OSBPL1A: variants seen among roughly 807,000 people sequenced by gnomAD.
OSBPL1A encodes the protein oxysterol binding protein like 1A.
Under a neutral mutation model 137.1 loss-of-function variants are expected in OSBPL1A, and 80 were observed. That is an observed-to-expected ratio of 0.58 (90% CI 0.49 to 0.70). The LOEUF (loss-of-function observed/expected upper bound fraction) is 0.70, where lower values mean the gene tolerates loss of function less well. Ranked by LOEUF, OSBPL1A falls within the 30% of genes least tolerant of loss-of-function variation. The pLI is 0.00. For synonymous variants in OSBPL1A, 365 were observed against 389.7 expected, an observed-to-expected ratio of 0.94 and a Z score of 0.75; for missense variants, 970 against 1,129.4, an observed-to-expected ratio of 0.86 and a Z score of 2.02.
intron 14 of OSBPL1A, chr18:24,301,444 C>G (rs763573417): frequency 1.3e-5 from 2 of 152,156 alleles, no homozygotes; most frequent in Admixed American, 1.3e-4. Flanking sequence ...TATCACTGGA[C>G]TTTTTCTACA....
chr18:24,239,506 G>A (rs1374826846), intron 15 of OSBPL1A, 124 bp from the exon 16 acceptor site: 30 of 905,570 alleles, frequency 3.3e-5, no homozygotes, highest in East Asian at 2.1e-4. Context: ...GAAAACAGTC[G>A]TGTCACATGT....
At chr18:24,263,310 C>T (rs766566091) in intron 15 of OSBPL1A, among the ~76,000 whole-genome samples, 2 of 152,162 alleles carry the variant, frequency 1.3e-5, no homozygotes, top group Admixed American at 6.5e-5. Context: ...GTGCTAAGTA[C>T]GTGCTGTACT....
intron 14 of OSBPL1A, among the ~76,000 whole-genome samples, chr18:24,287,444 G>A (rs959853812): frequency 7.2e-5 from 11 of 152,168 alleles, no homozygotes; most frequent in African/African-American, 2.7e-4. Context: ...GCTTGAGAGA[G>A]CTTCAGGGTA....
rs993948045 is a variant in OSBPL1A at position 24,224,920 on chromosome 18, T to G, written c.1601+122A>C. On this transcript the variant is annotated intron_variant, in intron 17 of 27. Transcript: ENST00000319481. ...CTTAAGTTAAATGCTTTCTTTGAGG[T>G]GATATAGCAATATAAATCCCCTACA... 3 of 1,239,680 alleles carry G rather than the reference T, an allele frequency of 2.4e-6. No homozygotes were observed. In the African/African-American group the frequency reaches 4.5e-5, roughly 19 times the overall value. The allele number at this position is 1,239,680 out of a possible 1,614,324, so 76.8% of individuals were successfully genotyped here.
Position 24,291,799 on chromosome 18 carries a change from T to C in OSBPL1A, c.1175-10851A>G, listed in dbSNP as rs141986510. On this transcript the variant is annotated intron_variant, in intron 14 of 27. Coordinates refer to ENST00000319481, the MANE Select transcript of OSBPL1A (RefSeq NM_080597.4). Reference sequence around the variant, plus strand: ...AAAAAAAACGAGAGATTGCCTGTAATTCCAGCACTTTGGGAGACTGAGGCA... The same window carrying C: ...AAAAAAAACGAGAGATTGCCTGTAACTCCAGCACTTTGGGAGACTGAGGCA... 2.8e-3 allele frequency among the ~76,000 whole-genome samples: 417 copies of C among 149,514 alleles called. 2 individuals are homozygous for C. Among genetic ancestry groups the C allele is most frequent in the African/African-American group, 9.8e-3 (400 of 40,830 alleles).
At chr18:24,181,959 A>G (rs1030003333) in intron 18 of OSBPL1A, among the ~76,000 whole-genome samples, 6 of 152,200 alleles carry the variant, frequency 3.9e-5, no homozygotes, top group Non-Finnish European at 8.8e-5. Flanking sequence ...CTGTTCAAAT[A>G]TATGTGTTAA....
chr18:24,182,208 G>C (rs2086625034), intron 18 of OSBPL1A, among the ~76,000 whole-genome samples: 1 of 152,090 alleles, frequency 6.6e-6, no homozygotes, highest in South Asian at 2.1e-4. Flanking sequence ...CTGTCTGCCA[G>C]AATGCCTCCA....
intron 1 of OSBPL1A, among the ~76,000 whole-genome samples, chr18:24,383,337 A>C (rs1373484644): frequency 2.0e-5 from 3 of 152,270 alleles, no homozygotes; most frequent in Non-Finnish European, 4.4e-5. Flanking sequence ...AAAATGTTTG[A>C]AGTATCTTCA....
chr18:24,208,955 C>A (rs1599494114), intron 17 of OSBPL1A, among the ~76,000 whole-genome samples: 2 of 152,264 alleles, frequency 1.3e-5, no homozygotes, highest in Admixed American at 1.3e-4. Flanking sequence ...CAAGAACACA[C>A]CACTGGTGAT....
At chr18:24,336,011 C>T (rs898608853) in intron 5 of OSBPL1A, among the ~76,000 whole-genome samples, 6 of 152,158 alleles carry the variant, frequency 3.9e-5, no homozygotes, top group African/African-American at 1.4e-4. Context: ...TCTTTCCTCC[C>T]ACTGGTTCTA....
In OSBPL1A at chr18:24,172,549, G is replaced by C. The variant is rs922967364; in HGVS notation, c.2094-66C>G. 2.5e-5 allele frequency: 28 copies of C among 1,129,150 alleles called. No individual in the cohort carries two copies. The Admixed American group carries it at 4.5e-4, about 18-fold the overall frequency. 69.9% of individuals were successfully genotyped at this position (1,129,150 alleles called of 1,614,324 possible). A position where few individuals can be genotyped will look rare whatever the true frequency, so the allele number is the denominator to read the frequency against. Reference sequence around the variant, plus strand: ...ATCACTTTGTTTAAAAAGTACACTTGTTCCAAATGCCATTACTCAGAATAA... The same window carrying C: ...ATCACTTTGTTTAAAAAGTACACTTCTTCCAAATGCCATTACTCAGAATAA... On this transcript the variant is annotated intron_variant, in intron 21 of 27. Coordinates refer to ENST00000319481, the MANE Select transcript of OSBPL1A (RefSeq NM_080597.4).
chr18:24,272,910 A>AATTT (rs1034493926), intron 15 of OSBPL1A, among the ~76,000 whole-genome samples: 3 of 151,720 alleles, frequency 2.0e-5, no homozygotes, highest in Non-Finnish European at 4.4e-5. Context: ...TTAATTAATT[A>AATTT]ATTTATTTAT....
chr18:24,271,506 G>A lies in OSBPL1A; in HGVS notation c.1281+9336C>T. On this transcript the variant is annotated intron_variant, in intron 15 of 27. Transcript: ENST00000319481. This position sits in a 1 kb window ranked among gnomAD's most constrained non-coding sequence, Gnocchi z 4.0. Reference sequence around the variant, plus strand: ...TGCACACACACGTCCAACTATTCTTGGATCTACTCACATCCCTGGATCAAG... The same window carrying A: ...TGCACACACACGTCCAACTATTCTTAGATCTACTCACATCCCTGGATCAAG... The A allele has an allele frequency of 2.1e-6, 2 of 957,502 alleles. No homozygotes were observed. The highest frequency in any genetic ancestry group is 2.5e-6 in the Non-Finnish European group (2 of 804,506). 59.3% of individuals were successfully genotyped at this position (957,502 alleles called of 1,614,324 possible). A position where few individuals can be genotyped will look rare whatever the true frequency, so the allele number is the denominator to read the frequency against.
chr18:24,171,550 A>G (rs778200425), intron 22 of OSBPL1A, 52 bp from the exon 23 acceptor site: 1 of 1,397,338 alleles, frequency 7.2e-7, no homozygotes, highest in African/African-American at 1.4e-5. Flanking sequence ...AAGCAGCAGT[A>G]GAGAAAAATA....
chr18:24,396,343 G>C (rs1212108552), intron 1 of OSBPL1A, among the ~76,000 whole-genome samples: 7 of 151,926 alleles, frequency 4.6e-5, no homozygotes, highest in African/African-American at 1.7e-4. Context: ...CCCACCATAA[G>C]TTTCTGCTGA....
chr18:24,371,816 C>A (rs991587169), intron 2 of OSBPL1A, among the ~76,000 whole-genome samples: 1 of 152,190 alleles, frequency 6.6e-6, no homozygotes, highest in Non-Finnish European at 1.5e-5. Flanking sequence ...CACTGGGTCC[C>A]AGGGGCAGGT....
intron 15 of OSBPL1A, among the ~76,000 whole-genome samples, chr18:24,279,250 TAA>T (rs565359517): frequency 0.018 from 2,314 of 125,336 alleles, 58 homozygotes; most frequent in African/African-American, 0.061. Flanking sequence ...CCCATTTCTT[TAA>T]AAAAAAAAAA....
chr18:24,180,790 T>C (rs1006422133), intron 19 of OSBPL1A, among the ~76,000 whole-genome samples: 4 of 151,806 alleles, frequency 2.6e-5, no homozygotes, highest in Non-Finnish European at 4.4e-5. Context: ...GGCAGGAGAA[T>C]GGCGGGAACC....
chr18:24,314,387 A>G (rs12966893), intron 11 of OSBPL1A, 40 bp from the exon 12 acceptor site: 184,093 of 1,384,960 alleles, frequency 0.13, 13,005 homozygotes, highest in South Asian at 0.16. Flanking sequence ...ATTCATTCAC[A>G]TAAAAGAGGA....
Sources: gnomAD v4.1 joint callset for allele counts (sites outside exome capture counted in the v4.1 genomes callset) on GRCh38, gnomAD v4.1.1 for gene constraint, Gnocchi (gnomAD v3.1) non-coding constraint, MANE v1.5 for transcripts, NCBI Gene and HGNC (gene_info 2026-07-23, HGNC 2026-07-21) for gene names.